RNFT1: variants seen among roughly 807,000 people sequenced by gnomAD.
The protein encoded by RNFT1 is ring finger protein, transmembrane 1.
Under a neutral mutation model 53.2 loss-of-function variants are expected in RNFT1, and 35 were observed. The observed-to-expected ratio is 0.66, with a 90% CI of 0.50 to 0.87. The LOEUF (loss-of-function observed/expected upper bound fraction) is 0.87, where lower values mean the gene tolerates loss of function less well. Ranked by LOEUF, RNFT1 falls within the 40% of genes least tolerant of loss-of-function variation. The pLI is 0.00. For missense variants in RNFT1, 421 were observed against 515.0 expected, an observed-to-expected ratio of 0.82 and a Z score of 1.77; for synonymous variants, 141 against 172.8, an observed-to-expected ratio of 0.82 and a Z score of 1.44.
At chr17:59,958,668 C>G (rs1181884538) in intron 4 of RNFT1, 1 of 584,782 alleles carries the variant, frequency 1.7e-6, no homozygotes, top group Non-Finnish European at 3.2e-6. Context: ...AGGAAAAAGT[C>G]TTCACGGTTT....
chr17:59,963,584 G>C (rs1296981464), intron 1 of RNFT1, among the ~76,000 whole-genome samples: 2 of 152,090 alleles, frequency 1.3e-5, no homozygotes, highest in Non-Finnish European at 1.5e-5. Flanking sequence ...GTACCCAGCA[G>C]ATGTTAATGA....
rs1243114501 is a variant in RNFT1, at chr17:59,964,557, C to T, written c.56+51G>A. 3 of 1,542,490 alleles carry T rather than the reference C, an allele frequency of 1.9e-6. No homozygotes were observed. The Admixed American group carries it at 5.8e-5, about 30-fold the overall frequency. On this transcript the variant is annotated intron_variant, in intron 1 of 8. Coordinates refer to ENST00000305783, the MANE Select transcript of RNFT1 (RefSeq NM_016125.4). ...TGCCTATTCTCCCCAGAGCCCCCTG[C>T]GCCGCGGCCCCTCGCCGCCTCCTCC...
chr17:59,953,148 A>G, intron 8 of RNFT1, 37 bp from the exon 9 acceptor site: 1 of 1,500,740 alleles, frequency 6.7e-7, no homozygotes, highest in Non-Finnish European at 9.2e-7. Flanking sequence ...GATATTTGAT[A>G]ATCATTTTAA....
intron 6 of RNFT1, 121 bp downstream of exon 6, chr17:59,957,103 T>C: frequency 1.0e-6 from 1 of 962,022 alleles, no homozygotes; most frequent in Non-Finnish European, 1.5e-6. Context: ...TAGAACCTGC[T>C]ATTACTTCAA....
intron 4 of RNFT1, 154 bp downstream of exon 4, chr17:59,959,914 A>AG: frequency 2.8e-6 from 2 of 725,810 alleles, no homozygotes; most frequent in Non-Finnish European, 4.0e-6. Context: ...CGTCTCAAAA[A>AG]GAAAAAAAAA....
At chr17:59,955,931 C>A (rs2045251552) in intron 7 of RNFT1, among the ~76,000 whole-genome samples, 1 of 152,114 alleles carries the variant, frequency 6.6e-6, no homozygotes, top group Non-Finnish European at 1.5e-5. Context: ...AATAGAATCA[C>A]ACAATAATGT....
chr17:59,963,258 G>T lies in RNFT1; in HGVS notation c.83C>A (p.Ser28Tyr). The stretch of plus-strand genomic sequence containing the variant: ...CCTTAAATACTTTTTCTCTGACCCA[G>T]ATGTCTTTGCTTCAGGCCTCTGTCT... ...ERRQRPEAKT[S>Y]GSEKKYLRAM... The change falls in exon 2 of 9, where the codon TCT becomes TAT. Residue 28 changes from serine (S) to tyrosine (Y), a missense_variant. By Grantham distance (144) the Ser-to-Tyr change is moderately radical. Coordinates refer to ENST00000305783, the MANE Select transcript of RNFT1 (RefSeq NM_016125.4). 6.2e-7 allele frequency: 1 copy of T among 1,609,642 alleles called. No homozygotes were observed. Among genetic ancestry groups the T allele is most frequent in the East Asian group, 2.2e-5 (1 of 44,794 alleles).
chr17:59,956,218 A>G (rs1199281265), intron 7 of RNFT1, among the ~76,000 whole-genome samples: 2 of 152,200 alleles, frequency 1.3e-5, no homozygotes, highest in Non-Finnish European at 2.9e-5. Context: ...AAAAATGTCC[A>G]GTGGATTGAA....
chr17:59,962,714 A>T, intron 2 of RNFT1, 98 bp from the exon 3 acceptor site: 1 of 1,323,582 alleles, frequency 7.6e-7, no homozygotes. Context: ...CATATACAAT[A>T]ATAAAAGCTC....
Position 59,956,560 on chromosome 17 carries a change from A to G in RNFT1, c.1006-7T>C. 9 of 1,606,450 alleles carry G rather than the reference A, an allele frequency of 5.6e-6. No individual in the cohort carries two copies. The highest frequency in any genetic ancestry group is 7.7e-6 in the Non-Finnish European group (9 of 1,174,254). ...GCCCAAAAAATTCCAAAAGCTGAAA[A>G]GAGAAATAAGAGATCATTTATTAAT... is the stretch of plus-strand genomic sequence containing the variant. On this transcript the variant is annotated splice_region_variant and splice_polypyrimidine_tract_variant and intron_variant, in intron 6 of 8. Transcript: ENST00000305783.
intron 3 of RNFT1, among the ~76,000 whole-genome samples, chr17:59,960,754 A>C (rs1421545403): frequency 6.6e-6 from 1 of 152,062 alleles, no homozygotes; most frequent in African/African-American, 2.4e-5. Flanking sequence ...CAGAGGTTGC[A>C]GTGAGCCAAG....
intron 8 of RNFT1, among the ~76,000 whole-genome samples, chr17:59,953,375 A>AT (rs1568541087): frequency 2.6e-5 from 4 of 151,658 alleles, no homozygotes; most frequent in African/African-American, 9.7e-5. Flanking sequence ...TAGTTTTTTT[A>AT]TTTTTAGTAG....
intron 3 of RNFT1, among the ~76,000 whole-genome samples, chr17:59,961,761 G>T (rs182854039): frequency 6.6e-6 from 1 of 151,662 alleles, no homozygotes; most frequent in Non-Finnish European, 1.5e-5. Context: ...GTTTTTAGTA[G>T]ACATGGGGTT....
intron 4 of RNFT1, chr17:59,959,864 C>T: frequency 3.1e-6 from 1 of 325,444 alleles, no homozygotes; most frequent in Non-Finnish European, 5.5e-6. Flanking sequence ...GAGCCAAGAT[C>T]AAGACACTGC....
chr17:59,952,750 A>G lies in RNFT1; in HGVS notation c.*227T>C, dbSNP rs577303452. 8 of 342,826 alleles carry G rather than the reference A, an allele frequency of 2.3e-5. No individual in the cohort carries two copies. The East Asian group carries it at 3.2e-4, about 14-fold the overall frequency. The allele number at this position is 342,826 out of a possible 1,614,324, so 21.2% of individuals were successfully genotyped here. A position where few individuals can be genotyped will look rare whatever the true frequency, so the allele number is the denominator to read the frequency against. On this transcript the variant is annotated 3_prime_UTR_variant, in exon 9 of 9. Coordinates refer to ENST00000305783, the MANE Select transcript of RNFT1 (RefSeq NM_016125.4). ...TAACACTGCAGTTACCTGTCAAATA[A>G]TTAGAATAGAATAAATGTTGCATAT...
intron 2 of RNFT1, 42 bp from the exon 3 acceptor site, chr17:59,962,658 T>C: frequency 6.9e-7 from 1 of 1,446,310 alleles, no homozygotes; most frequent in Non-Finnish European, 9.5e-7. Context: ...GAAAAAAAAA[T>C]CAAAGAGGAT....
chr17:59,955,737 T>C (rs1416071661), intron 7 of RNFT1, among the ~76,000 whole-genome samples: 1 of 152,196 alleles, frequency 6.6e-6, no homozygotes, highest in African/African-American at 2.4e-5. Context: ...TTTTTATTTT[T>C]ACGGTATATT....
rs910158763 is a variant in RNFT1 at position 59,964,706 on chromosome 17, C to G, written c.-43G>C. 4 of 1,558,608 alleles carry G rather than the reference C, an allele frequency of 2.6e-6. No homozygotes were observed. The highest frequency in any genetic ancestry group is 1.9e-5 in the Admixed American group (1 of 53,742). On this transcript the variant is annotated 5_prime_UTR_variant, in exon 1 of 9. Transcript: ENST00000305783. ...TCAGTCGGGGCCATCAACCGCAAACCCCGCAAGCTCTTCTCTCAGCCCGGC... is the reference window on the plus strand; with the variant it reads ...TCAGTCGGGGCCATCAACCGCAAACGCCGCAAGCTCTTCTCTCAGCCCGGC...
intron 3 of RNFT1, among the ~76,000 whole-genome samples, chr17:59,960,963 G>A (rs758730157): frequency 6.6e-6 from 1 of 151,596 alleles, no homozygotes; most frequent in Non-Finnish European, 1.5e-5. Context: ...ATGGGGTCTC[G>A]ACACATTGCT....
Sources: gnomAD v4.1 joint callset for allele counts (sites outside exome capture counted in the v4.1 genomes callset) on GRCh38, gnomAD v4.1.1 for gene constraint, MANE v1.5 for transcripts, NCBI Gene and HGNC (gene_info 2026-07-23, HGNC 2026-07-21) for gene names.